CUL5: variants seen among roughly 807,000 people sequenced by gnomAD.
CUL5 encodes cullin-5.
CUL5 carries 26 observed loss-of-function variants against 108.8 expected under a neutral mutation model. The ratio of observed to expected loss-of-function variants is 0.24; its 90% CI spans 0.18 to 0.33. CUL5 has a LOEUF of 0.33. Among genes scored for constraint, CUL5 ranks in the 10% least tolerant of loss-of-function variants. The pLI is 1.00. For synonymous variants in CUL5, 334 were observed against 298.0 expected, an observed-to-expected ratio of 1.12 and a Z score of -1.25; for missense variants, 524 against 909.2, an observed-to-expected ratio of 0.58 and a Z score of 5.45.
chr11:108,016,226 T>C (rs536995921), intron 1 of CUL5, among the ~76,000 whole-genome samples: 242 of 148,606 alleles, frequency 1.6e-3, no homozygotes, highest in African/African-American at 5.8e-3. Context: ...CCAGAGAGGT[T>C]TTTCTTTTCT....
intron 18 of CUL5, among the ~76,000 whole-genome samples, chr11:108,103,099 A>G (rs1254558168): frequency 3.3e-5 from 5 of 152,254 alleles, no homozygotes; most frequent in East Asian, 1.9e-4. Flanking sequence ...CCCGGCATAT[A>G]CATGCCTTTT....
At chr11:108,039,614 C>A (rs1862839976) in intron 2 of CUL5, among the ~76,000 whole-genome samples, 1 of 152,202 alleles carries the variant, frequency 6.6e-6, no homozygotes, top group Non-Finnish European at 1.5e-5. Context: ...AGCTCTGTAC[C>A]CATTAAACAA....
chr11:108,047,937 A>G (rs747811252), intron 3 of CUL5, among the ~76,000 whole-genome samples: 5 of 151,918 alleles, frequency 3.3e-5, no homozygotes, highest in Admixed American at 1.3e-4. Flanking sequence ...GAACACTGGC[A>G]AAAAAAAGTA....
intron 2 of CUL5, among the ~76,000 whole-genome samples, chr11:108,039,372 C>T (rs367712018): frequency 4.3e-4 from 66 of 152,288 alleles, no homozygotes; most frequent in African/African-American, 1.6e-3. Flanking sequence ...TCTTTCTCCT[C>T]ACCCTTCTGT....
intron 1 of CUL5, among the ~76,000 whole-genome samples, chr11:108,027,345 C>T (rs999288370): frequency 1.3e-5 from 2 of 151,850 alleles, no homozygotes; most frequent in African/African-American, 2.4e-5. Flanking sequence ...AATCTTGGCT[C>T]ACTGCAAACT....
In CUL5 at chr11:108,052,710, A is replaced by G. The variant is rs567566270; in HGVS notation, c.462A>G (p.Arg154=). The G allele has an allele frequency of 5.3e-5, 86 of 1,612,386 alleles. 1 individual carries two copies. In the South Asian group the frequency reaches 8.5e-4, roughly 16 times the overall value. The change falls in exon 5 of 19, where the codon AGA becomes AGG. Residue 154 remains arginine, a synonymous_variant. Coordinates refer to ENST00000393094, the MANE Select transcript of CUL5 (RefSeq NM_003478.6). The part of the protein sequence containing the change: ...NESIFSNIKN[R]LQDSAMKLVH... ...CAATCTTTTCAAACATAAAAAACAG[A>G]CTCCAAGATAGTGCAATGAAGCTGG...
rs117460699 is a variant in CUL5, at chr11:108,057,930, G to C, written c.780+2975G>C. ...GAAGTTGAAAAAATAAAGAATATTG[G>C]CTGGGTGCAGTGGCTCACGCCTGTA... On this transcript the variant is annotated intron_variant, in intron 7 of 18. Coordinates refer to ENST00000393094, the MANE Select transcript of CUL5 (RefSeq NM_003478.6). Among the ~76,000 whole-genome samples, 103 of 152,192 alleles carry C rather than the reference G, an allele frequency of 6.8e-4. No homozygotes were observed. The East Asian group carries it at 0.017, about 25-fold the overall frequency.
At chr11:108,057,097 A>G (rs981849243) in intron 7 of CUL5, among the ~76,000 whole-genome samples, 5 of 152,194 alleles carry the variant, frequency 3.3e-5, no homozygotes, top group African/African-American at 1.2e-4. Context: ...TAGTCATATC[A>G]TAGCCACATT....
rs554231699 is a variant in CUL5, at chr11:108,060,307, T to A, written c.780+5352T>A. ...AGTCAAACTAGAAAGGCCAGGAAAT[T>A]AATTATTGAATACATTACAGATATC... On this transcript the variant is annotated intron_variant, in intron 7 of 18. Coordinates refer to ENST00000393094, the MANE Select transcript of CUL5 (RefSeq NM_003478.6). 5.3e-5 allele frequency among the ~76,000 whole-genome samples: 8 copies of A among 152,214 alleles called. No individual in the cohort carries two copies. In the East Asian group the frequency reaches 1.5e-3, roughly 29 times the overall value.
At chr11:108,021,076 G>A (rs1335107185) in intron 1 of CUL5, among the ~76,000 whole-genome samples, 1 of 152,168 alleles carries the variant, frequency 6.6e-6, no homozygotes, top group East Asian at 1.9e-4. Flanking sequence ...ATATAGGTTG[G>A]TAGCCTAGGA....
intron 1 of CUL5, among the ~76,000 whole-genome samples, chr11:108,030,026 A>G (rs1416124236): frequency 1.3e-5 from 2 of 152,198 alleles, no homozygotes; most frequent in Non-Finnish European, 2.9e-5. Context: ...TGTTCTTTCT[A>G]TGGTTCTTTC....
intron 13 of CUL5, among the ~76,000 whole-genome samples, chr11:108,091,695 T>TCTCACACACACA (rs1555024093): frequency 7.2e-6 from 1 of 138,188 alleles, no homozygotes; most frequent in Non-Finnish European, 1.5e-5. Context: ...TCTCTCTCAC[T>TCTCACACACACA]CACACACACA....
rs1864437699 is a variant in CUL5, at chr11:108,094,447, A to G, written c.1500A>G (p.Ile500Met). Reference protein sequence around the residue: ...VNKLARMFQDIKVSEDLNQAF... With the variant: ...VNKLARMFQDMKVSEDLNQAF... ...AGCTTGCTAGAATGTTTCAGGACAT[A>G]AAAGTATCTGAAGATTTGAACCAAG... Residue 500 changes from isoleucine to methionine, a missense_variant, in exon 14 of 19, where the codon ATA (isoleucine) becomes ATG (methionine). Ile to Met is a conservative substitution (Grantham distance 10). Transcript: ENST00000393094. The G allele has an allele frequency of 1.9e-6, 3 of 1,575,800 alleles. No homozygotes were observed. The highest frequency in any genetic ancestry group is 2.6e-6 in the Non-Finnish European group (3 of 1,157,252).
intron 1 of CUL5, among the ~76,000 whole-genome samples, chr11:108,020,042 C>T (rs1159756326): frequency 6.6e-6 from 1 of 152,134 alleles, no homozygotes; most frequent in Non-Finnish European, 1.5e-5. Flanking sequence ...TGCCCCCACC[C>T]CCACTGGCAT....
chr11:108,096,670 G>A (rs1206400036), intron 16 of CUL5, among the ~76,000 whole-genome samples: 2 of 141,962 alleles, frequency 1.4e-5, no homozygotes, highest in African/African-American at 2.6e-5. Flanking sequence ...GGGTTTAAGC[G>A]ATTCTCCTAC....
intron 7 of CUL5, among the ~76,000 whole-genome samples, chr11:108,061,265 T>A (rs1286092473): frequency 6.6e-6 from 1 of 152,220 alleles, no homozygotes; most frequent in Non-Finnish European, 1.5e-5. Flanking sequence ...ATATAGTAAT[T>A]TGGTAAATGG....
chr11:108,088,798 A>G, intron 12 of CUL5, 139 bp downstream of exon 12: 1 of 616,698 alleles, frequency 1.6e-6, no homozygotes, highest in Non-Finnish European at 2.5e-6. Context: ...TTTGCAGTGC[A>G]AGACCTCTCG....
chr11:108,060,589 A>G (rs1863508089), intron 7 of CUL5, among the ~76,000 whole-genome samples: 1 of 152,208 alleles, frequency 6.6e-6, no homozygotes, highest in Non-Finnish European at 1.5e-5. Flanking sequence ...TAATCCCAGC[A>G]CTTTAGGAGG....
chr11:108,095,763 T>C, intron 16 of CUL5, 72 bp downstream of exon 16: 1 of 1,294,290 alleles, frequency 7.7e-7, no homozygotes, highest in African/African-American at 1.5e-5. Flanking sequence ...TGGCTTGTAA[T>C]ATATTAGTAA....
Sources: gnomAD v4.1 joint callset for allele counts (sites outside exome capture counted in the v4.1 genomes callset) on GRCh38, gnomAD v4.1.1 for gene constraint, MANE v1.5 for transcripts, NCBI Gene and HGNC (gene_info 2026-07-23, HGNC 2026-07-21) for gene names.